Variants in DOP1B observed in about 807,000 individuals in gnomAD.
The protein encoded by DOP1B is DOP1 leucine zipper like protein B.
Under a neutral mutation model 233.5 loss-of-function variants are expected in DOP1B, and 174 were observed. The ratio of observed to expected loss-of-function variants is 0.75; its 90% CI spans 0.66 to 0.85. The LOEUF (loss-of-function observed/expected upper bound fraction) is 0.85, where lower values mean the gene tolerates loss of function less well. Ranked by LOEUF, DOP1B falls within the 40% of genes least tolerant of loss-of-function variation. The pLI, the probability that DOP1B is intolerant of heterozygous loss-of-function variation, is 0.00. For synonymous variants in DOP1B, 1,190 were observed against 1,185.6 expected (o/e 1.00, Z -0.08); for missense variants, 2,652 against 2,846.6 (o/e 0.93, Z 1.56).
intron 2 of DOP1B, among the ~76,000 whole-genome samples, chr21:36,176,502 T>A (rs2066033408): frequency 6.7e-6 from 1 of 148,260 alleles, no homozygotes; most frequent in South Asian, 2.1e-4. Context: ...AATTTGGGGC[T>A]ATGATTTTAG....
chr21:36,288,848 T>G (rs1601486642), intron 34 of DOP1B, 37 bp downstream of exon 34: 1 of 1,553,578 alleles, frequency 6.4e-7, no homozygotes, highest in East Asian at 2.2e-5. Flanking sequence ...GAGGAAAAGA[T>G]AGTCACGATT....
chr21:36,159,202 A>G (rs1446845731), intron 1 of DOP1B, among the ~76,000 whole-genome samples: 1 of 152,176 alleles, frequency 6.6e-6, no homozygotes, highest in Non-Finnish European at 1.5e-5. Context: ...CTGTAATCCC[A>G]GTACTTTGGG....
chr21:36,282,640 A>AT (rs1028027297), intron 32 of DOP1B, among the ~76,000 whole-genome samples: 14 of 151,208 alleles, frequency 9.3e-5, no homozygotes, highest in Admixed American at 3.3e-4. Context: ...TTCCTTAACA[A>AT]TTTTTTTTTC....
intron 16 of DOP1B, 42 bp downstream of exon 16, chr21:36,237,456 G>T (rs977666485): frequency 7.5e-6 from 12 of 1,609,892 alleles, no homozygotes; most frequent in South Asian, 3.3e-5. Context: ...CAGCACCCCG[G>T]CCCCTGCTGT....
chr21:36,157,271 C>A (rs1194333289), intron 1 of DOP1B, among the ~76,000 whole-genome samples: 1 of 151,158 alleles, frequency 6.6e-6, no homozygotes, highest in Non-Finnish European at 1.5e-5. Context: ...GCGGCAGGTG[C>A]AGGTCCAGGG....
At chr21:36,259,473 A>G (rs1443902802) in intron 23 of DOP1B, among the ~76,000 whole-genome samples, 1 of 150,572 alleles carries the variant, frequency 6.6e-6, no homozygotes, top group African/African-American at 2.5e-5. Flanking sequence ...GGGTTTTGCC[A>G]TGTTGGCCAC....
intron 18 of DOP1B, among the ~76,000 whole-genome samples, chr21:36,241,756 G>T (rs1435700446): frequency 9.1e-5 from 13 of 143,162 alleles, no homozygotes; most frequent in Admixed American, 2.9e-4. Context: ...GGTCAGGCTG[G>T]TCTCGAACTC....
intron 33 of DOP1B, 150 bp downstream of exon 33, chr21:36,288,300 CA>C: frequency 2.7e-6 from 2 of 739,604 alleles, no homozygotes; most frequent in Non-Finnish European, 4.3e-6. Context: ...CTTGGTTAAA[CA>C]GAGAATATTT....
At chr21:36,208,950 G>A (rs2066461710) in intron 5 of DOP1B, 46 bp downstream of exon 5, 2 of 1,459,350 alleles carry the variant, frequency 1.4e-6, no homozygotes, top group East Asian at 5.2e-5. Flanking sequence ...GGCGACATGT[G>A]GGCACAGCAT....
chr21:36,240,495 A>C (rs1308664184), intron 18 of DOP1B, among the ~76,000 whole-genome samples: 1 of 152,150 alleles, frequency 6.6e-6, no homozygotes, highest in African/African-American at 2.4e-5. Flanking sequence ...TACATAAATA[A>C]ATAAATAAAA....
Position 36,246,028 on chromosome 21 carries a change from G to A in DOP1B, c.4048G>A (p.Glu1350Lys), listed in dbSNP as rs1332696766. 4 of 1,613,816 alleles carry A rather than the reference G, an allele frequency of 2.5e-6. No homozygotes were observed. The highest frequency in any genetic ancestry group is 3.4e-6 in the Non-Finnish European group (4 of 1,179,994). Residue 1350 changes from glutamate (E) to lysine (K), a missense_variant, in exon 19 of 37, where the codon GAG becomes AAG. By Grantham distance (56) the Glu-to-Lys change is moderately conservative. This residue lies in a region of DOP1B where 2,617 missense variants were observed against 2,794.3 expected (regional missense o/e 0.94). Coordinates refer to ENST00000691173, the MANE Select transcript of DOP1B (RefSeq NM_001320714.2). This position sits in a 1 kb window ranked among gnomAD's most constrained non-coding sequence, Gnocchi z 5.1. ...GNRDVQVKSVEVLIRIMMQLV... is the reference protein window; with the variant it reads ...GNRDVQVKSVKVLIRIMMQLV... Reference sequence around the variant, plus strand: ...CCGGGACGTGCAGGTCAAAAGTGTCGAGGTTTTGATCAGGATAATGATGCA... The same window carrying A: ...CCGGGACGTGCAGGTCAAAAGTGTCAAGGTTTTGATCAGGATAATGATGCA...
chr21:36,234,073 C>G (rs1044227690), intron 15 of DOP1B, among the ~76,000 whole-genome samples: 2 of 152,074 alleles, frequency 1.3e-5, no homozygotes, highest in South Asian at 2.1e-4. Context: ...AGGCTGGTCT[C>G]AAACTCCTGA....
At chr21:36,292,256 C>CTTTTTTTTTTTTT in intron 36 of DOP1B, 23 bp downstream of exon 36, 7 of 1,334,832 alleles carry the variant, frequency 5.2e-6, no homozygotes, top group South Asian at 1.5e-5. Context: ...CTTTTCTTTT[C>CTTTTTTTTTTTTT]TTTTTTTTTT....
rs1056642603 is a variant in DOP1B at position 36,246,792 on chromosome 21, G to A, written c.4697+115G>A. On this transcript the variant is annotated intron_variant, in intron 19 of 36. Coordinates refer to ENST00000691173, the MANE Select transcript of DOP1B (RefSeq NM_001320714.2). The surrounding 1 kb of genome is among the most constrained non-coding windows in gnomAD (Gnocchi z 5.1). Reference sequence around the variant, plus strand: ...GAGGATAATTTCATCCCAATGAGAAGCCTGTTTAGCATTATCAAGAGGGGT... The same window carrying A: ...GAGGATAATTTCATCCCAATGAGAAACCTGTTTAGCATTATCAAGAGGGGT... 1.6e-6 allele frequency: 2 copies of A among 1,290,058 alleles called. No homozygotes were observed. Among genetic ancestry groups the A allele is most frequent in the African/African-American group, 2.9e-5 (2 of 67,870 alleles). The allele number at this position is 1,290,058 out of a possible 1,614,324, so 79.9% of individuals were successfully genotyped here.
At chr21:36,243,120 C>G (rs1248763176) in intron 18 of DOP1B, among the ~76,000 whole-genome samples, 1 of 151,856 alleles carries the variant, frequency 6.6e-6, no homozygotes, top group African/African-American at 2.4e-5. Context: ...GCTGGCATTA[C>G]AGGCACGCGC....
intron 4 of DOP1B, among the ~76,000 whole-genome samples, chr21:36,201,137 T>C (rs1039190354): frequency 6.6e-6 from 1 of 152,072 alleles, no homozygotes; most frequent in Non-Finnish European, 1.5e-5. Context: ...ACATACCCTC[T>C]TAGGGCGCCT....
intron 9 of DOP1B, among the ~76,000 whole-genome samples, chr21:36,215,206 G>A (rs1164315663): frequency 3.3e-5 from 5 of 152,122 alleles, no homozygotes; most frequent in East Asian, 3.9e-4. Context: ...AGGGGACCCC[G>A]TCCATCTTTT....
chr21:36,232,457 C>T (rs919616934), intron 14 of DOP1B, among the ~76,000 whole-genome samples: 1 of 152,172 alleles, frequency 6.6e-6, no homozygotes, highest in Admixed American at 6.5e-5. Context: ...TGGTGCTGGC[C>T]GGCAACCCTT....
At chr21:36,203,669 G>GTGA (rs746049493) in intron 4 of DOP1B, among the ~76,000 whole-genome samples, 12 of 151,986 alleles carry the variant, frequency 7.9e-5, no homozygotes, top group Non-Finnish European at 1.6e-4. Context: ...TGAGCACGTG[G>GTGA]GTAGAAATTG....
Sources: gnomAD v4.1 joint callset for allele counts (sites outside exome capture counted in the v4.1 genomes callset) on GRCh38, gnomAD v4.1.1 for gene constraint, gnomAD v4.1.1 regional missense constraint, Gnocchi (gnomAD v3.1) non-coding constraint, MANE v1.5 for transcripts, NCBI Gene and HGNC (gene_info 2026-07-23, HGNC 2026-07-21) for gene names.